SLC25A29: variants seen among roughly 807,000 people sequenced by gnomAD.
The protein encoded by SLC25A29 is mitochondrial basic amino acids transporter.
In SLC25A29, 13 loss-of-function variants were observed where a neutral mutation model predicts 10.0. The observed-to-expected ratio is 1.30, with a 90% confidence interval of 0.85 to 2.07. The LOEUF (loss-of-function observed/expected upper bound fraction) is 2.07. Among genes scored for constraint, SLC25A29 ranks in the 30% most tolerant of loss-of-function variants. The pLI is 0.00. For synonymous variants in SLC25A29, 244 were observed against 221.1 expected (o/e 1.10, Z -0.92); for missense variants, 475 against 447.6 (o/e 1.06, Z -0.55).
chr14:100,299,933 A>G (rs1233667226), intron 1 of SLC25A29: 1 of 985,322 alleles, frequency 1.0e-6, no homozygotes, highest in Non-Finnish European at 1.2e-6. Context: ...CATCTCCACA[A>G]ATTGAACTTT....
rs752182866 is a variant in SLC25A29 at position 100,292,191 on chromosome 14, A to G, written c.*92T>C. 3 of 1,468,400 alleles carry G rather than the reference A, an allele frequency of 2.0e-6. No individual in the cohort carries two copies. In the Admixed American group the frequency reaches 6.0e-5, roughly 29 times the overall value. The allele number at this position is 1,468,400 out of a possible 1,614,324, so 91.0% of individuals were successfully genotyped here. ...TCTGATAGACTCCACAGCTCGCAGC[A>G]TCCCAGCAGGAAGCAGGGCAATCGA... is the stretch of plus-strand genomic sequence containing the variant. On this transcript the variant is annotated 3_prime_UTR_variant, in exon 4 of 4. Coordinates refer to ENST00000359232, the MANE Select transcript of SLC25A29 (RefSeq NM_001039355.3).
At chr14:100,288,437 T>C (rs945230971), downstream of SLC25A29, among the ~76,000 whole-genome samples, 1 of 131,906 alleles carries the variant, frequency 7.6e-6, no homozygotes, top group Admixed American at 7.8e-5. Flanking sequence ...TGATTAGACA[T>C]ACTGAAGCCC....
At chr14:100,296,812 A>G (rs906304836) in intron 2 of SLC25A29, among the ~76,000 whole-genome samples, 29 of 152,032 alleles carry the variant, frequency 1.9e-4, no homozygotes, top group Non-Finnish European at 3.5e-4. Context: ...GTTAGCCAGG[A>G]TGGTCTTGAT....
intron 3 of SLC25A29, 42 bp from the exon 4 acceptor site, chr14:100,293,074 T>A (rs1262608900): frequency 6.7e-7 from 1 of 1,485,200 alleles, no homozygotes; most frequent in South Asian, 1.4e-5. Context: ...AACGCGCACC[T>A]CCCGGGCCCT....
chr14:100,290,828 G>A (rs770775093), downstream of SLC25A29, among the ~76,000 whole-genome samples: 33 of 152,208 alleles, frequency 2.2e-4, no homozygotes, highest in Non-Finnish European at 1.3e-4. Flanking sequence ...TGCCCCGCCC[G>A]CCAGTGCCCC....
the SLC25A29 span, among the ~76,000 whole-genome samples, chr14:100,284,698 A>G: frequency 6.6e-6 from 1 of 152,146 alleles, no homozygotes; most frequent in Non-Finnish European, 1.5e-5. Flanking sequence ...GCATTGCCCT[A>G]CTGGCACTGG....
chr14:100,300,993 G>A (rs1232958660), intron 1 of SLC25A29, among the ~76,000 whole-genome samples: 5 of 151,758 alleles, frequency 3.3e-5, no homozygotes, highest in Admixed American at 6.6e-5. Context: ...TCCACCTCCC[G>A]GGTTCATGCC....
rs191633465 is a variant in SLC25A29 at position 100,293,003 on chromosome 14, C to G, written c.192G>C (p.Ser64=). The G allele has an allele frequency of 2.1e-5, 33 of 1,579,312 alleles. No individual in the cohort carries two copies. In the African/African-American group the frequency reaches 3.9e-4, roughly 19 times the overall value. The change falls in exon 4 of 4, where the codon TCG becomes TCC. Residue 64 remains serine, a synonymous_variant. Coordinates refer to ENST00000359232, the MANE Select transcript of SLC25A29 (RefSeq NM_001039355.3). ...TGATGAAGGTGAGCCCCATGAGCGG[C>G]GAGCCCAGGCCCTTGTACAGGCCCA... is the stretch of plus-strand genomic sequence containing the variant. ...SVLGLYKGLG[S]PLMGLTFINA...
the SLC25A29 span, chr14:100,280,995 G>A: frequency 7.2e-6 from 1 of 139,108 alleles, no homozygotes; most frequent in Non-Finnish European, 1.5e-5. Flanking sequence ...GGGAGGCGGA[G>A]CTTGCAGTGA....
At chr14:100,304,462 C>T (rs1892777556) in intron 1 of SLC25A29, among the ~76,000 whole-genome samples, 1 of 152,230 alleles carries the variant, frequency 6.6e-6, no homozygotes, top group South Asian at 2.1e-4. Flanking sequence ...AGTGAGCCCC[C>T]AGGTGACTTC....
chr14:100,288,014 G>GGT (rs543306874), downstream of SLC25A29, among the ~76,000 whole-genome samples: 33 of 152,274 alleles, frequency 2.2e-4, no homozygotes, highest in South Asian at 6.6e-3. Context: ...GAGGTCAAGG[G>GGT]GTGTGCCACA....
At chr14:100,295,641 T>C in intron 2 of SLC25A29, 3 of 1,289,444 alleles carry the variant, frequency 2.3e-6, no homozygotes, top group Non-Finnish European at 3.0e-6. Flanking sequence ...CTCTCCAGGG[T>C]GAGGCTTACG....
intron 2 of SLC25A29, 122 bp downstream of exon 2, chr14:100,298,720 C>T (rs1422092071): frequency 8.8e-6 from 11 of 1,252,200 alleles, no homozygotes; most frequent in Non-Finnish European, 1.3e-5. Context: ...TTCAACCCGG[C>T]CTGGTGTAAA....
rs1891873830 is a variant in SLC25A29, at chr14:100,293,040, G to GT, written c.163-9_163-8insA. ...CTTGTACAGGCCCAGCACCTGCGGGGACAGAGACGCCATCAGAGCCGGCAA... is the reference window on the plus strand; with the variant it reads ...CTTGTACAGGCCCAGCACCTGCGGGGTACAGAGACGCCATCAGAGCCGGCAA... On this transcript the variant is annotated splice_polypyrimidine_tract_variant and intron_variant, in intron 3 of 3. Transcript: ENST00000359232. 7.2e-6 allele frequency: 11 copies of GT among 1,524,696 alleles called. No homozygotes were observed. The highest frequency in any genetic ancestry group is 1.4e-5 in the African/African-American group (1 of 72,622). The allele number at this position is 1,524,696 out of a possible 1,614,324, so 94.4% of individuals were successfully genotyped here.
In SLC25A29 at chr14:100,292,164, C is replaced by G; in HGVS notation, c.*119G>C. The stretch of plus-strand genomic sequence containing the variant: ...CAGCTGATCAGCAAAATTCAGCCCA[C>G]GTCTGATAGACTCCACAGCTCGCAG... On this transcript the variant is annotated 3_prime_UTR_variant, in exon 4 of 4. Transcript: ENST00000359232. 7.4e-7 allele frequency: 1 copy of G among 1,360,358 alleles called. No homozygotes were observed. The highest frequency in any genetic ancestry group is 1.0e-6 in the Non-Finnish European group (1 of 993,606). 84.3% of individuals were successfully genotyped at this position (1,360,358 alleles called of 1,614,324 possible).
At chr14:100,290,675 C>T (rs1891643381), downstream of SLC25A29, among the ~76,000 whole-genome samples, 1 of 152,146 alleles carries the variant, frequency 6.6e-6, no homozygotes, top group South Asian at 2.1e-4. Flanking sequence ...CTCCAGGATG[C>T]CCTCTTCCAG....
At chr14:100,279,674 A>G in the SLC25A29 span, 7 of 152,408 alleles carry the variant, frequency 4.6e-5, no homozygotes, top group African/African-American at 1.4e-4. Flanking sequence ...AGCGTCTTCT[A>G]TGGATGCCTG....
Position 100,292,446 on chromosome 14 carries a change from C to T in SLC25A29, c.749G>A (p.Gly250Glu), listed in dbSNP as rs767161048. 6.3e-7 allele frequency: 1 copy of T among 1,579,786 alleles called. No homozygotes were observed. The highest frequency in any genetic ancestry group is 8.6e-7 in the Non-Finnish European group (1 of 1,165,048). ...RAEGWRVFTR[G>E]LASTLLRAFP... is the part of the protein sequence containing the mutation. ...GGCGCGCAGCAGCGTGGACGCCAGCCCCCGTGTGAAGACGCGCCAGCCCTC... is the reference window on the plus strand; with the variant it reads ...GGCGCGCAGCAGCGTGGACGCCAGCTCCCGTGTGAAGACGCGCCAGCCCTC... The change falls in exon 4 of 4, where the codon GGG (glycine) becomes GAG (glutamate). Residue 250 changes from glycine to glutamate, a missense_variant. Coordinates refer to ENST00000359232, the MANE Select transcript of SLC25A29 (RefSeq NM_001039355.3).
chr14:100,297,456 G>A lies in SLC25A29; in HGVS notation c.78+1386C>T, dbSNP rs920779248. ...TAGCTCAGAGAGCCCAGGCCTCCAC[G>A]GAGCTGGAAAGAGGAAGTGAATGTG... On this transcript the variant is annotated intron_variant, in intron 2 of 3. Transcript: ENST00000359232. Among the ~76,000 whole-genome samples, 7 of 152,240 alleles carry A rather than the reference G, an allele frequency of 4.6e-5. No individual in the cohort carries two copies. In the South Asian group the frequency reaches 1.0e-3, roughly 22 times the overall value.
Sources: allele counts gnomAD v4.1 joint callset (sites outside exome capture counted in the v4.1 genomes callset), GRCh38; gene constraint gnomAD v4.1.1; transcripts MANE v1.5; gene names NCBI Gene and HGNC (gene_info 2026-07-23, HGNC 2026-07-21).